Variants in SCAPER observed in about 807,000 individuals in gnomAD.
SCAPER encodes S-phase cyclin A associated protein in the ER.
Under a neutral mutation model 182.2 loss-of-function variants are expected in SCAPER, and 98 were observed. The ratio of observed to expected loss-of-function variants is 0.54; its 90% CI spans 0.46 to 0.64. The LOEUF (loss-of-function observed/expected upper bound fraction) is 0.64, where lower values mean the gene tolerates loss of function less well. Ranked by LOEUF, SCAPER falls within the 30% of genes least tolerant of loss-of-function variation. The probability of loss-of-function intolerance (pLI) is 0.00; values close to 1 mark genes in which losing one functional copy is unlikely to be tolerated. For missense variants in SCAPER, 1,432 were observed against 1,690.0 expected, an observed-to-expected ratio of 0.85 and a Z score of 2.68; for synonymous variants, 605 against 564.6, an observed-to-expected ratio of 1.07 and a Z score of -1.01.
At chr15:76,591,564 TGA>T (rs2049111278) in intron 22 of SCAPER, among the ~76,000 whole-genome samples, 1 of 152,164 alleles carries the variant, frequency 6.6e-6, no homozygotes, top group Non-Finnish European at 1.5e-5. Context: ...TGGGCTCAAG[TGA>T]GTCTCCCACC....
chr15:76,526,391 T>C (rs910567070), intron 23 of SCAPER, among the ~76,000 whole-genome samples: 3 of 152,188 alleles, frequency 2.0e-5, no homozygotes, highest in Admixed American at 2.0e-4. Flanking sequence ...TCTACTCTAG[T>C]AGTTTAAAGT....
chr15:76,663,808 A>G (rs1159884233), intron 21 of SCAPER, among the ~76,000 whole-genome samples: 2 of 152,138 alleles, frequency 1.3e-5, no homozygotes, highest in African/African-American at 4.8e-5. Context: ...AGATTTTTCA[A>G]AACTCAAATG....
rs368994405 is a variant in SCAPER, at chr15:76,655,909, T to A, written c.2645+9744A>T. ...CTTAAAAAAGGTCCTTAAGAGATAG[T>A]GGAAATAGAAAAGATTATCATGGCC... On this transcript the variant is annotated intron_variant, in intron 21 of 31. Coordinates refer to ENST00000563290, the MANE Select transcript of SCAPER (RefSeq NM_020843.4). 9.2e-5 allele frequency among the ~76,000 whole-genome samples: 14 copies of A among 151,980 alleles called. No individual in the cohort carries two copies. The East Asian group carries it at 2.7e-3, about 29-fold the overall frequency.
intron 22 of SCAPER, among the ~76,000 whole-genome samples, chr15:76,583,218 G>A (rs185263972): frequency 3.9e-5 from 6 of 152,186 alleles, no homozygotes; most frequent in Non-Finnish European, 7.4e-5. Context: ...AGACATGGTG[G>A]CACATGCCTC....
chr15:76,784,689 T>C (rs185727630), intron 8 of SCAPER, among the ~76,000 whole-genome samples: 33 of 152,172 alleles, frequency 2.2e-4, no homozygotes, highest in African/African-American at 6.7e-4. Flanking sequence ...AAAACAGATA[T>C]ATAGACCAAT....
chr15:76,402,714 G>T (rs575071213), intron 27 of SCAPER, among the ~76,000 whole-genome samples: 27 of 152,224 alleles, frequency 1.8e-4, no homozygotes, highest in Admixed American at 7.2e-4. Context: ...GCATTAAAGA[G>T]AAGATCCTGT....
At chr15:76,619,465 G>A (rs185618025) in intron 22 of SCAPER, among the ~76,000 whole-genome samples, 2 of 152,304 alleles carry the variant, frequency 1.3e-5, no homozygotes, top group African/African-American at 4.8e-5. Context: ...ATGGCGGGGA[G>A]TATGTTTAGC....
At chr15:76,563,657 T>C (rs1209498884) in intron 23 of SCAPER, among the ~76,000 whole-genome samples, 1 of 152,194 alleles carries the variant, frequency 6.6e-6, no homozygotes, top group East Asian at 1.9e-4. Flanking sequence ...TCCCCCCCAG[T>C]TCATTCTATG....
chr15:76,842,593 A>T (rs866734623), intron 4 of SCAPER, among the ~76,000 whole-genome samples: 7 of 152,196 alleles, frequency 4.6e-5, no homozygotes, highest in South Asian at 4.1e-4. Flanking sequence ...ACCCAGTCTC[A>T]GGCAGTTCAT....
chr15:76,405,856 C>A (rs964558747), intron 26 of SCAPER, among the ~76,000 whole-genome samples: 2 of 152,150 alleles, frequency 1.3e-5, no homozygotes, highest in Admixed American at 1.3e-4. Flanking sequence ...CCCCACTATT[C>A]ATTTACCAAC....
At chr15:76,880,212 T>G (rs1052447006) in intron 2 of SCAPER, among the ~76,000 whole-genome samples, 1 of 152,232 alleles carries the variant, frequency 6.6e-6, no homozygotes. Context: ...GTTACCACTA[T>G]GAACACCAAC....
chr15:76,477,955 T>G (rs1215756950), intron 24 of SCAPER, among the ~76,000 whole-genome samples: 1 of 152,002 alleles, frequency 6.6e-6, no homozygotes, highest in Non-Finnish European at 1.5e-5. Context: ...TTTAGTTTTT[T>G]TTGGTCATAA....
At position 76,804,635 on chromosome 15, in the gene SCAPER, TA is replaced by T; in HGVS notation, c.394-3del. 1 of 1,572,914 alleles carries T rather than the reference TA, an allele frequency of 6.4e-7. No homozygotes were observed. Among genetic ancestry groups the T allele is most frequent in the East Asian group, 2.3e-5 (1 of 44,200 alleles). On this transcript the variant is annotated splice_region_variant and splice_polypyrimidine_tract_variant and intron_variant, in intron 5 of 31. Transcript: ENST00000563290. ...GTTATCCAGCATCATTAGCACCTCCTAAAAGAAACAAAACAAAAAAAAATTA... is the reference window on the plus strand; with the variant it reads ...GTTATCCAGCATCATTAGCACCTCCTAAAGAAACAAAACAAAAAAAAATTA...
At chr15:76,780,210 A>G (rs2064023912) in intron 8 of SCAPER, among the ~76,000 whole-genome samples, 1 of 152,258 alleles carries the variant, frequency 6.6e-6, no homozygotes, top group Admixed American at 6.5e-5. Context: ...AGCAACTGGA[A>G]GACCAGGAGA....
chr15:76,900,650 A>G (rs1239072979), intron 1 of SCAPER, among the ~76,000 whole-genome samples: 1 of 152,202 alleles, frequency 6.6e-6, no homozygotes, highest in African/African-American at 2.4e-5. Context: ...GATGCCTAAG[A>G]ATCCTAGAGA....
intron 15 of SCAPER, among the ~76,000 whole-genome samples, chr15:76,741,172 G>A (rs138042121): frequency 6.6e-6 from 1 of 152,044 alleles, no homozygotes; most frequent in African/African-American, 2.4e-5. Context: ...ATCATGTATA[G>A]CATAATTCTA....
intron 1 of SCAPER, among the ~76,000 whole-genome samples, chr15:76,892,177 G>A (rs764489882): frequency 1.3e-5 from 2 of 152,180 alleles, no homozygotes. Context: ...ATTAATTCAA[G>A]ATGGATTAAA....
At chr15:76,479,095 T>G (rs1332165006) in intron 24 of SCAPER, among the ~76,000 whole-genome samples, 1 of 152,140 alleles carries the variant, frequency 6.6e-6, no homozygotes, top group East Asian at 1.9e-4. Context: ...GTGTGGAATG[T>G]ATATCTACAT....
chr15:76,540,939 G>A (rs904049421), intron 23 of SCAPER, among the ~76,000 whole-genome samples: 2 of 151,940 alleles, frequency 1.3e-5, no homozygotes, highest in African/African-American at 4.8e-5. Context: ...TGACCAAGAT[G>A]ATGAAACCCC....
Sources: allele counts gnomAD v4.1 joint callset (sites outside exome capture counted in the v4.1 genomes callset), GRCh38; gene constraint gnomAD v4.1.1; transcripts MANE v1.5; gene names NCBI Gene and HGNC (gene_info 2026-07-23, HGNC 2026-07-21).